Variants in FRMD5 observed in about 807,000 individuals in gnomAD.
FRMD5 encodes the protein FERM domain-containing protein 5.
FRMD5 carries 20 observed loss-of-function variants against 69.0 expected under a neutral mutation model. The ratio of observed to expected loss-of-function variants is 0.29; its 90% CI spans 0.20 to 0.42. FRMD5 has a LOEUF of 0.42. Ranked by LOEUF, FRMD5 falls within the 10% of genes least tolerant of loss-of-function variation. The pLI, the probability that FRMD5 is intolerant of heterozygous loss-of-function variation, is 1.00. For synonymous variants in FRMD5, 271 were observed against 260.1 expected, an observed-to-expected ratio of 1.04 and a Z score of -0.40; for missense variants, 595 against 708.6, an observed-to-expected ratio of 0.84 and a Z score of 1.82.
intron 1 of FRMD5, among the ~76,000 whole-genome samples, chr15:44,013,767 C>T (rs1458938730): frequency 6.6e-6 from 1 of 151,940 alleles, no homozygotes; most frequent in African/African-American, 2.4e-5. Flanking sequence ...TTTCTTACTT[C>T]CATTGGGGAG....
intron 1 of FRMD5, among the ~76,000 whole-genome samples, chr15:43,932,071 A>G (rs1422369552): frequency 8.5e-5 from 13 of 152,350 alleles, no homozygotes; most frequent in African/African-American, 3.1e-4. Context: ...TTAATCTTAC[A>G]TCTAAGGATG....
At chr15:44,115,416 T>C (rs181300430) in intron 1 of FRMD5, among the ~76,000 whole-genome samples, 2 of 152,334 alleles carry the variant, frequency 1.3e-5, no homozygotes, top group African/African-American at 2.4e-5. Context: ...ACTTAACATA[T>C]TCTATAGTTT....
At chr15:43,954,050 C>T (rs1343536565) in intron 1 of FRMD5, among the ~76,000 whole-genome samples, 3 of 152,190 alleles carry the variant, frequency 2.0e-5, no homozygotes, top group African/African-American at 7.2e-5. Flanking sequence ...ATGATCATTA[C>T]AAGAGAAATC....
At chr15:44,131,166 G>A (rs976188234) in intron 1 of FRMD5, among the ~76,000 whole-genome samples, 3 of 152,196 alleles carry the variant, frequency 2.0e-5, no homozygotes, top group Non-Finnish European at 4.4e-5. Flanking sequence ...CTCCAAAGAA[G>A]ATCTACAAAT....
At chr15:44,188,462 T>C (rs1317433851) in intron 1 of FRMD5, among the ~76,000 whole-genome samples, 1 of 152,212 alleles carries the variant, frequency 6.6e-6, no homozygotes, top group Admixed American at 6.5e-5. Flanking sequence ...AACCCAGTAG[T>C]AGTGATTCTC....
intron 1 of FRMD5, among the ~76,000 whole-genome samples, chr15:44,158,268 T>C (rs2077557695): frequency 6.6e-6 from 1 of 152,164 alleles, no homozygotes; most frequent in Admixed American, 6.6e-5. Context: ...TTAAGAATTG[T>C]TCCCATCTAT....
intron 1 of FRMD5, among the ~76,000 whole-genome samples, chr15:44,167,669 A>G (rs968524050): frequency 6.6e-6 from 1 of 151,982 alleles, no homozygotes; most frequent in African/African-American, 2.4e-5. Context: ...GGCTCACTGC[A>G]ACCTCCGCCT....
At position 44,094,049 on chromosome 15, in the gene FRMD5, A is replaced by C. The variant is rs540737462; in HGVS notation, c.102+100904T>G. ...ATTCCATATCTCCAGAAACATATGG[A>C]CTCTGGCATATGTGCTTACCATGAA... On this transcript the variant is annotated intron_variant, in intron 1 of 13. Transcript: ENST00000417257. 3.1e-4 allele frequency among the ~76,000 whole-genome samples: 47 copies of C among 152,110 alleles called. No individual in the cohort carries two copies. In the South Asian group the frequency reaches 9.4e-3, roughly 30 times the overall value.
chr15:44,085,098 C>T, intron 1 of FRMD5, among the ~76,000 whole-genome samples: 1 of 152,112 alleles, frequency 6.6e-6, no homozygotes, highest in South Asian at 2.1e-4. Flanking sequence ...TATATAGATT[C>T]TTATTTGGCA....
At chr15:44,138,602 C>A (rs562946415) in intron 1 of FRMD5, among the ~76,000 whole-genome samples, 1 of 152,178 alleles carries the variant, frequency 6.6e-6, no homozygotes, top group Admixed American at 6.5e-5. Context: ...CCTACAATGA[C>A]CATGTTACAC....
At chr15:44,181,658 T>A (rs2140566606) in intron 1 of FRMD5, among the ~76,000 whole-genome samples, 1 of 152,168 alleles carries the variant, frequency 6.6e-6, no homozygotes, top group Admixed American at 6.5e-5. Flanking sequence ...TCCCAGCACT[T>A]TGGGATGTTG....
intron 1 of FRMD5, among the ~76,000 whole-genome samples, chr15:44,185,836 G>C (rs1214756353): frequency 2.6e-5 from 4 of 151,848 alleles, no homozygotes; most frequent in African/African-American, 9.7e-5. Context: ...CTAAAAGAGG[G>C]CAGGCTAGAT....
intron 1 of FRMD5, chr15:44,063,497 A>G (rs1378205146): frequency 3.0e-6 from 1 of 336,202 alleles, no homozygotes; most frequent in Non-Finnish European, 5.8e-6. Flanking sequence ...GGCCAGCTGC[A>G]CCCCTGGGAC....
At chr15:44,169,489 T>G (rs770141827) in intron 1 of FRMD5, among the ~76,000 whole-genome samples, 1 of 152,096 alleles carries the variant, frequency 6.6e-6, no homozygotes, top group Admixed American at 6.6e-5. Context: ...AAACCAGAGT[T>G]GAAAGGAGAG....
chr15:44,053,713 T>C (rs1301609835), intron 1 of FRMD5, among the ~76,000 whole-genome samples: 1 of 152,128 alleles, frequency 6.6e-6, no homozygotes, highest in African/African-American at 2.4e-5. Context: ...CCAGGTTTGA[T>C]AGGGAAGTCC....
intron 1 of FRMD5, among the ~76,000 whole-genome samples, chr15:44,164,782 C>T (rs1192423019): frequency 6.6e-6 from 1 of 152,174 alleles, no homozygotes; most frequent in African/African-American, 2.4e-5. Context: ...AGTGAAGAAG[C>T]AGGAACCACG....
At chr15:43,975,891 AAGAC>A (rs1346376227) in intron 1 of FRMD5, among the ~76,000 whole-genome samples, 5 of 152,320 alleles carry the variant, frequency 3.3e-5, no homozygotes, top group Non-Finnish European at 4.4e-5. Flanking sequence ...TACAATAACC[AAGAC>A]AGTGTGGTAC....
intron 1 of FRMD5, among the ~76,000 whole-genome samples, chr15:43,994,196 T>C (rs1380767789): frequency 2.0e-5 from 3 of 152,184 alleles, no homozygotes; most frequent in Non-Finnish European, 4.4e-5. Flanking sequence ...TTATTTTCTC[T>C]AGTGTTAGGC....
In FRMD5 at chr15:43,873,300, T is replaced by A; in HGVS notation, c.*585A>T. 3.3e-6 allele frequency: 5 copies of A among 1,530,338 alleles called. No homozygotes were observed. The highest frequency in any genetic ancestry group is 4.4e-6 in the Non-Finnish European group (5 of 1,141,734). 94.8% of individuals were successfully genotyped at this position (1,530,338 alleles called of 1,614,324 possible). A position where few individuals can be genotyped will look rare whatever the true frequency, so the allele number is the denominator to read the frequency against. On this transcript the variant is annotated 3_prime_UTR_variant, in exon 14 of 14. Coordinates refer to ENST00000417257, the MANE Select transcript of FRMD5 (RefSeq NM_032892.5). ...TAAGAAGCAACTTTCCATTTAATCA[T>A]TCTACATGGATGTTTACTTTTTTAA... is the stretch of plus-strand genomic sequence containing the variant.
Sources: gnomAD v4.1 joint callset for allele counts (sites outside exome capture counted in the v4.1 genomes callset) on GRCh38, gnomAD v4.1.1 for gene constraint, MANE v1.5 for transcripts, NCBI Gene and HGNC (gene_info 2026-07-23, HGNC 2026-07-21) for gene names.